Variants in DLC1 observed in about 807,000 individuals in gnomAD.
The protein encoded by DLC1 is rho GTPase-activating protein 7.
In DLC1, 54 loss-of-function variants were observed where a neutral mutation model predicts 140.3. That is an observed-to-expected ratio of 0.38 (90% CI 0.31 to 0.48). DLC1 has a LOEUF of 0.48. DLC1 is among the 20% of genes least tolerant of loss of function. The pLI is 0.96. For missense variants in DLC1, 2,536 were observed against 1,907.0 expected, an observed-to-expected ratio of 1.33 and a Z score of -6.14; for synonymous variants, 986 against 728.1, an observed-to-expected ratio of 1.35 and a Z score of -5.70.
chr8:13,097,346 C>T (rs887369553), intron 10 of DLC1, among the ~76,000 whole-genome samples: 3 of 151,988 alleles, frequency 2.0e-5, no homozygotes, highest in Non-Finnish European at 4.4e-5. Flanking sequence ...TCACTGCAAC[C>T]TCCATCTTCT....
chr8:13,159,575 C>T (rs902016386), intron 5 of DLC1, among the ~76,000 whole-genome samples: 6 of 152,082 alleles, frequency 3.9e-5, no homozygotes, highest in Non-Finnish European at 7.4e-5. Context: ...TGTATCACCT[C>T]AATTATAAAC....
At chr8:13,541,699 G>C (rs867444957) in intron 1 of DLC1, among the ~76,000 whole-genome samples, 2 of 152,036 alleles carry the variant, frequency 1.3e-5, no homozygotes, top group Admixed American at 6.5e-5. Flanking sequence ...ACAGGCGCCT[G>C]CCACCAAGCC....
In DLC1 at chr8:13,085,745, C is replaced by T; in HGVS notation, c.*66G>A. 2 of 1,606,768 alleles carry T rather than the reference C, an allele frequency of 1.2e-6. No homozygotes were observed. Among genetic ancestry groups the T allele is most frequent in the Non-Finnish European group, 1.7e-6 (2 of 1,176,084 alleles). On this transcript the variant is annotated 3_prime_UTR_variant, in exon 18 of 18. Coordinates refer to ENST00000276297, the MANE Select transcript of DLC1 (RefSeq NM_182643.3). ...AGGATTAGACACAGAACCCATTCTT[C>T]AAGGACTGGCAAAAGTTCTAGAAAC... is the stretch of plus-strand genomic sequence containing the variant.
chr8:13,188,801 G>GTGTATATATATA (rs1293675412), intron 5 of DLC1, among the ~76,000 whole-genome samples: 7 of 71,904 alleles, frequency 9.7e-5, no homozygotes, highest in African/African-American at 1.3e-4. Context: ...GTGTGTGTGT[G>GTGTATATATATA]TATATATATA....
intron 5 of DLC1, among the ~76,000 whole-genome samples, chr8:13,196,370 C>T (rs1441257226): frequency 2.0e-5 from 3 of 152,026 alleles, no homozygotes; most frequent in Non-Finnish European, 4.4e-5. Context: ...ACATTCCTCT[C>T]AAACAAAACA....
chr8:13,476,233 T>C (rs1337039890), intron 2 of DLC1, among the ~76,000 whole-genome samples: 2 of 152,234 alleles, frequency 1.3e-5, no homozygotes, highest in African/African-American at 4.8e-5. Flanking sequence ...TGGCTTTCTG[T>C]GAACATCCAA....
intron 5 of DLC1, among the ~76,000 whole-genome samples, chr8:13,244,247 C>T (rs1164234156): frequency 6.6e-6 from 1 of 152,010 alleles, no homozygotes; most frequent in Non-Finnish European, 1.5e-5. Context: ...AAAATCAGAT[C>T]TCTGCCTGTC....
chr8:13,573,668 G>A (rs910187363), intron 1 of DLC1, among the ~76,000 whole-genome samples: 8 of 152,042 alleles, frequency 5.3e-5, no homozygotes, highest in African/African-American at 7.2e-5. Flanking sequence ...AAAGTGTTTC[G>A]TATTTTGTCA....
chr8:13,192,576 T>A (rs901698177), intron 5 of DLC1, among the ~76,000 whole-genome samples: 17 of 152,178 alleles, frequency 1.1e-4, no homozygotes, highest in African/African-American at 2.4e-4. Flanking sequence ...AGTCAGGGTC[T>A]CTAGTCTGTA....
intron 1 of DLC1, among the ~76,000 whole-genome samples, chr8:13,577,346 G>A (rs1432402412): frequency 6.6e-6 from 1 of 152,088 alleles, no homozygotes; most frequent in Non-Finnish European, 1.5e-5. Flanking sequence ...TTATGCGATG[G>A]GTCAGTGTCC....
rs1330663822 is a variant in DLC1 at position 13,498,909 on chromosome 8, G to C, written c.1023+140C>G. 1.1e-5 allele frequency: 10 copies of C among 911,244 alleles called. No individual in the cohort carries two copies. The South Asian group carries it at 1.2e-4, about 11-fold the overall frequency. 56.4% of individuals were successfully genotyped at this position (911,244 alleles called of 1,614,324 possible). A position where few individuals can be genotyped will look rare whatever the true frequency, so the allele number is the denominator to read the frequency against. On this transcript the variant is annotated intron_variant, in intron 2 of 17. Transcript: ENST00000276297. ...ATATTTTGATGGTTTGACCAAGTGGGTAGTCGTTGAATTACACATCTGCAT... is the reference window on the plus strand; with the variant it reads ...ATATTTTGATGGTTTGACCAAGTGGCTAGTCGTTGAATTACACATCTGCAT...
intron 5 of DLC1, among the ~76,000 whole-genome samples, chr8:13,242,526 G>T (rs1468287712): frequency 1.3e-5 from 2 of 152,090 alleles, no homozygotes; most frequent in Middle Eastern, 3.4e-3. Flanking sequence ...TTCCCAAGTA[G>T]TTGGGACTAC....
chr8:13,453,313 G>C (rs1799155076), intron 2 of DLC1, among the ~76,000 whole-genome samples: 1 of 141,898 alleles, frequency 7.0e-6, no homozygotes, highest in African/African-American at 2.6e-5. Flanking sequence ...ATATTCCTTA[G>C]GAGGTGTTTT....
At chr8:13,587,574 G>C (rs541239967) in intron 1 of DLC1, among the ~76,000 whole-genome samples, 24,299 of 139,616 alleles carry the variant, frequency 0.17, 2,705 homozygotes, top group Non-Finnish European at 0.25. Context: ...CACACAGAGA[G>C]AGAGAAAATA....
At chr8:13,475,864 G>A (rs1025820468) in intron 2 of DLC1, among the ~76,000 whole-genome samples, 1 of 152,184 alleles carries the variant, frequency 6.6e-6, no homozygotes, top group African/African-American at 2.4e-5. Flanking sequence ...AAATTATGCA[G>A]ACTCTTAAGA....
At chr8:13,400,374 C>A (rs1224438462) in intron 3 of DLC1, among the ~76,000 whole-genome samples, 2 of 152,160 alleles carry the variant, frequency 1.3e-5, no homozygotes, top group East Asian at 1.9e-4. Flanking sequence ...CATGAACCTG[C>A]AGTTGAGAAA....
intron 2 of DLC1, among the ~76,000 whole-genome samples, chr8:13,492,205 G>T (rs1362455295): frequency 6.6e-6 from 1 of 150,872 alleles, no homozygotes; most frequent in Non-Finnish European, 1.5e-5. Context: ...CCTCTAGCCT[G>T]TTGGAGATAC....
chr8:13,241,084 A>G (rs1171206032), intron 5 of DLC1, among the ~76,000 whole-genome samples: 1 of 152,196 alleles, frequency 6.6e-6, no homozygotes, highest in Non-Finnish European at 1.5e-5. Context: ...CAGTCACATA[A>G]TTCTACACTT....
intron 5 of DLC1, among the ~76,000 whole-genome samples, chr8:13,141,813 T>C (rs1823013018): frequency 6.6e-6 from 1 of 152,224 alleles, no homozygotes; most frequent in Non-Finnish European, 1.5e-5. Context: ...TTATCTCTTA[T>C]TGATTCAGTT....
Sources: gnomAD v4.1 joint callset for allele counts (sites outside exome capture counted in the v4.1 genomes callset) on GRCh38, gnomAD v4.1.1 for gene constraint, MANE v1.5 for transcripts, NCBI Gene and HGNC (gene_info 2026-07-23, HGNC 2026-07-21) for gene names.